The following ADA variants were observed in gnomAD, a reference collection of about 807,000 sequenced individuals.
The protein encoded by ADA is adenosine deaminase.
ADA carries 45 observed loss-of-function variants against 49.0 expected under a neutral mutation model. The observed-to-expected ratio is 0.92, with a 90% CI of 0.72 to 1.18. The LOEUF (loss-of-function observed/expected upper bound fraction) is 1.18, where lower values mean the gene tolerates loss of function less well. ADA is among the 50% of genes most tolerant of loss of function. The pLI, the probability that ADA is intolerant of heterozygous loss-of-function variation, is 0.00. For synonymous variants in ADA, 173 were observed against 184.2 expected (o/e 0.94, Z 0.49); for missense variants, 445 against 472.5 (o/e 0.94, Z 0.54).
intron 5 of ADA, 70 bp downstream of exon 5, chr20:44,625,499 C>T (rs2065372941): frequency 1.5e-6 from 2 of 1,378,688 alleles, no homozygotes; most frequent in Admixed American, 2.0e-5. Context: ...GGTACAGCCC[C>T]ACTGCTAGGC....
chr20:44,646,409 C>T (rs1159720821), intron 1 of ADA, among the ~76,000 whole-genome samples: 4 of 152,106 alleles, frequency 2.6e-5, no homozygotes, highest in African/African-American at 9.7e-5. Flanking sequence ...AAAGCCACTG[C>T]AAGCCCAAAG....
At position 44,624,113 on chromosome 20, in the gene ADA, G is replaced by T. The variant is rs536080109; in HGVS notation, c.606+89C>A. On this transcript the variant is annotated intron_variant, in intron 6 of 11. Transcript: ENST00000372874. Reference sequence around the variant, plus strand: ...CACTTCAGAACTCAGGAGACACCATGGTCCCTGGTTCTTGTGATTTCTCCC... The same window carrying T: ...CACTTCAGAACTCAGGAGACACCATTGTCCCTGGTTCTTGTGATTTCTCCC... 1.4e-5 allele frequency: 22 copies of T among 1,518,162 alleles called. No individual in the cohort carries two copies. In the Admixed American group the frequency reaches 2.8e-4, roughly 19 times the overall value. The allele number at this position is 1,518,162 out of a possible 1,614,324, so 94.0% of individuals were successfully genotyped here.
intron 2 of ADA, among the ~76,000 whole-genome samples, chr20:44,630,004 C>CTT (rs1555845295): frequency 7.4e-5 from 11 of 148,958 alleles, no homozygotes; most frequent in Non-Finnish European, 1.2e-4. Flanking sequence ...TTTCCCCCCC[C>CTT]TTTTTTTTTT....
At chr20:44,643,134 C>T (rs539846975) in intron 1 of ADA, among the ~76,000 whole-genome samples, 27 of 152,284 alleles carry the variant, frequency 1.8e-4, no homozygotes, top group African/African-American at 6.5e-4. Flanking sequence ...AATGGGGTGG[C>T]GACCCCGCTC....
chr20:44,645,811 G>A (rs978896723), intron 1 of ADA, among the ~76,000 whole-genome samples: 1 of 152,134 alleles, frequency 6.6e-6, no homozygotes, highest in Non-Finnish European at 1.5e-5. Flanking sequence ...CCTCTAGCTG[G>A]AAAGTGGGAA....
At position 44,645,918 on chromosome 20, in the gene ADA, TC is replaced by T. The variant is rs969695386; in HGVS notation, c.33+5656del. On this transcript the variant is annotated intron_variant, in intron 1 of 11. Coordinates refer to ENST00000372874, the MANE Select transcript of ADA (RefSeq NM_000022.4). ...CTGGTCACTAGGAGTGCAGAGGTTA[TC>T]CCCCACAACTGCTCAGGGGCCTGAG... Among the ~76,000 whole-genome samples, 4 of 152,120 alleles carry T rather than the reference TC, an allele frequency of 2.6e-5. No individual in the cohort carries two copies. In the East Asian group the frequency reaches 5.8e-4, roughly 22 times the overall value.
In ADA at chr20:44,619,645, A is replaced by G; in HGVS notation, c.*189T>C. The G allele has an allele frequency of 1.4e-6, 1 of 710,606 alleles. No homozygotes were observed. Among genetic ancestry groups the G allele is most frequent in the Non-Finnish European group, 2.4e-6 (1 of 413,928 alleles). 44.0% of individuals were successfully genotyped at this position (710,606 alleles called of 1,614,324 possible). A position where few individuals can be genotyped will look rare whatever the true frequency, so the allele number is the denominator to read the frequency against. On this transcript the variant is annotated 3_prime_UTR_variant, in exon 12 of 12. Coordinates refer to ENST00000372874, the MANE Select transcript of ADA (RefSeq NM_000022.4). ...GGGCGCTGGTCCCTGGCCAGGGCAC[A>G]TAATCAGAGAAGTGACGCGGCCATG...
Position 44,622,995 on chromosome 20 carries a change from C to T in ADA, c.678+12G>A, listed in dbSNP as rs547700655. 8.1e-6 allele frequency: 13 copies of T among 1,614,218 alleles called. No individual in the cohort carries two copies. The highest frequency in any genetic ancestry group is 1.0e-5 in the Non-Finnish European group (12 of 1,180,034). On this transcript the variant is annotated intron_variant, in intron 7 of 11. Coordinates refer to ENST00000372874, the MANE Select transcript of ADA (RefSeq NM_000022.4). ...AGTGAGGAGGGACCCCATGGCCAGCCCAGGCCCTCACCTCTTTTACTACTT... is the reference window on the plus strand; with the variant it reads ...AGTGAGGAGGGACCCCATGGCCAGCTCAGGCCCTCACCTCTTTTACTACTT...
intron 6 of ADA, 53 bp downstream of exon 6, chr20:44,624,149 G>A: frequency 6.4e-7 from 1 of 1,563,018 alleles, no homozygotes; most frequent in Non-Finnish European, 8.7e-7. Flanking sequence ...AACTATGGGT[G>A]GGAGACAAGC....
rs771207375 is a variant in ADA, at chr20:44,626,536, G to T, written c.282C>A (p.Gly94=). The T allele has an allele frequency of 2.5e-6, 4 of 1,614,128 alleles. No individual in the cohort carries two copies. The highest frequency in any genetic ancestry group is 3.4e-6 in the Non-Finnish European group (4 of 1,180,016). Residue 94 remains glycine, a synonymous_variant, in exon 4 of 12, where the codon GGC becomes GGA. Coordinates refer to ENST00000372874, the MANE Select transcript of ADA (RefSeq NM_000022.4). ...YEFVEMKAKE[G]VVYVEVRYSP... is the part of the protein sequence containing the mutation. ...TGTACCGCACCTCCACATACACCACGCCCTCTTTGGCCTTCATCTCTACAA... is the reference window on the plus strand; with the variant it reads ...TGTACCGCACCTCCACATACACCACTCCCTCTTTGGCCTTCATCTCTACAA...
intron 1 of ADA, 65 bp downstream of exon 1, chr20:44,651,510 C>A: frequency 6.8e-7 from 1 of 1,481,022 alleles, no homozygotes; most frequent in East Asian, 2.5e-5. Context: ...GGGCTGGGCC[C>A]CGCTAAGCCC....
At position 44,648,395 on chromosome 20, in the gene ADA, G is replaced by T. The variant is rs568567229; in HGVS notation, c.33+3180C>A. Among the ~76,000 whole-genome samples, 51 of 152,236 alleles carry T rather than the reference G, an allele frequency of 3.4e-4. 2 individuals carry two copies. Among genetic ancestry groups the T allele is most frequent in the African/African-American group, 1.2e-3 (50 of 41,474 alleles). On this transcript the variant is annotated intron_variant, in intron 1 of 11. Transcript: ENST00000372874. ...GGAATCCAAGAGTGGCCAACCTGGA[G>T]ATCCAGTCGTTATCTATGAGGAACA...
At chr20:44,650,338 C>G (rs2065632630) in intron 1 of ADA, among the ~76,000 whole-genome samples, 1 of 152,246 alleles carries the variant, frequency 6.6e-6, no homozygotes, top group African/African-American at 2.4e-5. Context: ...CAGCCTGTCT[C>G]CCTCACTGAC....
In ADA at chr20:44,629,166, C is replaced by G; in HGVS notation, c.99G>C (p.Arg33Ser). The G allele has an allele frequency of 6.2e-7, 1 of 1,614,204 alleles. No individual in the cohort carries two copies. The part of the protein sequence containing the change: ...KPETILYYGR[R>S]RGIALPANTA... Reference sequence around the variant, plus strand: ...TGTTAGCTGGGAGGGCGATCCCTCTCCTCCTGGAAACAAAACAGTGAGTGG... The same window carrying G: ...TGTTAGCTGGGAGGGCGATCCCTCTGCTCCTGGAAACAAAACAGTGAGTGG... Residue 33 changes from arginine (R) to serine (S), a missense_variant, in exon 3 of 12, where the codon AGG becomes AGC. Arg to Ser is a moderately radical substitution (Grantham distance 110). Coordinates refer to ENST00000372874, the MANE Select transcript of ADA (RefSeq NM_000022.4).
chr20:44,635,342 C>T (rs1327506663), intron 2 of ADA, among the ~76,000 whole-genome samples: 1 of 152,178 alleles, frequency 6.6e-6, no homozygotes, highest in East Asian at 1.9e-4. Flanking sequence ...CAGGTTATGA[C>T]CCTGATGATG....
At position 44,629,203 on chromosome 20, in the gene ADA, G is replaced by A. The variant is rs369310928; in HGVS notation, c.96-34C>T. ...AAAACAGTGAGTGGTGGACCAACCC[G>A]GGGCAGGATCCAGGCAGGCCTGACA... is the stretch of plus-strand genomic sequence containing the variant. On this transcript the variant is annotated intron_variant, in intron 2 of 11. Coordinates refer to ENST00000372874, the MANE Select transcript of ADA (RefSeq NM_000022.4). The A allele has an allele frequency of 2.1e-4, 344 of 1,613,756 alleles. 4 individuals carry two copies. In the South Asian group the frequency reaches 2.5e-3, roughly 12 times the overall value.
At position 44,622,389 on chromosome 20, in the gene ADA, A is replaced by G. The variant is rs191645400; in HGVS notation, c.845+199T>C. 6.4e-4 allele frequency among the ~76,000 whole-genome samples: 97 copies of G among 152,330 alleles called. 1 individual carries two copies. The highest frequency in any genetic ancestry group is 6.8e-3 in the Middle Eastern group (2 of 294). On this transcript the variant is annotated intron_variant, in intron 9 of 11. Transcript: ENST00000372874. ...CAGCTCTGCTGGTTAGCAGCTGGGTAATCCCAGTCAAGCCACAGCACATCT... is the reference window on the plus strand; with the variant it reads ...CAGCTCTGCTGGTTAGCAGCTGGGTGATCCCAGTCAAGCCACAGCACATCT...
chr20:44,626,343 C>A (rs1477429445), intron 4 of ADA, 113 bp downstream of exon 4: 3 of 1,484,646 alleles, frequency 2.0e-6, no homozygotes, highest in African/African-American at 1.4e-5. Context: ...AGACTGGGGG[C>A]AAGAACAAGG....
rs185428691 is a variant in ADA, at chr20:44,640,960, G to T, written c.34-4672C>A. Among the ~76,000 whole-genome samples the T allele has an allele frequency of 1.8e-4, 27 of 152,062 alleles. No individual in the cohort carries two copies. In the East Asian group the frequency reaches 4.9e-3, roughly 27 times the overall value. ...CCTTCAGTGGGCATGTGGCTCTGAT[G>T]ATATCTTGATGTTGGACTTCTGGCC... On this transcript the variant is annotated intron_variant, in intron 1 of 11. Transcript: ENST00000372874.
Sources: allele counts gnomAD v4.1 joint callset (sites outside exome capture counted in the v4.1 genomes callset), GRCh38; gene constraint gnomAD v4.1.1; transcripts MANE v1.5; gene names NCBI Gene and HGNC (gene_info 2026-07-23, HGNC 2026-07-21).